Variants in ZNF385B observed in about 807,000 individuals in gnomAD.
ZNF385B encodes zinc finger protein 533.
Under a neutral mutation model 39.2 loss-of-function variants are expected in ZNF385B, and 23 were observed. That is an observed-to-expected ratio of 0.59 (90% CI 0.42 to 0.83). The LOEUF (loss-of-function observed/expected upper bound fraction) is 0.83, where lower values mean the gene tolerates loss of function less well. ZNF385B is among the 40% of genes least tolerant of loss of function. The pLI is 0.00. For missense variants in ZNF385B, 552 were observed against 598.9 expected (o/e 0.92, Z 0.82); for synonymous variants, 205 against 222.6 (o/e 0.92, Z 0.70).
intron 3 of ZNF385B, among the ~76,000 whole-genome samples, chr2:179,660,476 ATTTC>A (rs1286114591): frequency 6.6e-6 from 1 of 152,072 alleles, no homozygotes; most frequent in Non-Finnish European, 1.5e-5. Flanking sequence ...CTTTATTTTT[ATTTC>A]TTCTGTTTTC....
chr2:179,772,138 G>A (rs1704047479), intron 1 of ZNF385B, among the ~76,000 whole-genome samples: 1 of 151,994 alleles, frequency 6.6e-6, no homozygotes, highest in African/African-American at 2.4e-5. Context: ...TGTTACCTGT[G>A]CTTTTATGAT....
At chr2:179,619,731 C>T (rs1690052500) in intron 3 of ZNF385B, among the ~76,000 whole-genome samples, 2 of 152,172 alleles carry the variant, frequency 1.3e-5, no homozygotes, top group South Asian at 4.1e-4. Context: ...TGAACAGATA[C>T]CTGTCATTTC....
intron 1 of ZNF385B, among the ~76,000 whole-genome samples, chr2:179,828,362 T>A (rs1285504578): frequency 6.6e-6 from 1 of 152,198 alleles, no homozygotes; most frequent in Non-Finnish European, 1.5e-5. Flanking sequence ...ATGCTAATCA[T>A]TAAATTGCCC....
intron 3 of ZNF385B, among the ~76,000 whole-genome samples, chr2:179,720,987 T>G (rs1164592424): frequency 1.4e-5 from 2 of 141,978 alleles, no homozygotes; most frequent in Non-Finnish European, 3.1e-5. Context: ...CAAGCTTATC[T>G]CAAACACCTA....
intron 1 of ZNF385B, among the ~76,000 whole-genome samples, chr2:179,835,700 C>A (rs1199445495): frequency 6.6e-6 from 1 of 151,906 alleles, no homozygotes; most frequent in African/African-American, 2.4e-5. Flanking sequence ...CTTGTTCTTT[C>A]CTGGAACTGG....
intron 3 of ZNF385B, among the ~76,000 whole-genome samples, chr2:179,694,585 A>T (rs749113580): frequency 1.3e-5 from 2 of 152,182 alleles, no homozygotes; most frequent in Non-Finnish European, 2.9e-5. Flanking sequence ...TTCTAGGAAT[A>T]AAAAAGGGAT....
At chr2:179,532,845 A>G (rs2059336735) in intron 4 of ZNF385B, among the ~76,000 whole-genome samples, 1 of 152,180 alleles carries the variant, frequency 6.6e-6, no homozygotes, top group Admixed American at 6.5e-5. Context: ...AAACCACTAC[A>G]GTTCCATTGG....
At chr2:179,747,591 G>A (rs1304395067) in intron 3 of ZNF385B, among the ~76,000 whole-genome samples, 2 of 152,096 alleles carry the variant, frequency 1.3e-5, no homozygotes, top group Admixed American at 6.6e-5. Context: ...GTTCATGAGA[G>A]ATTGTATGCC....
chr2:179,637,938 A>G (rs1691907821), intron 3 of ZNF385B, among the ~76,000 whole-genome samples: 1 of 152,236 alleles, frequency 6.6e-6, no homozygotes, highest in Non-Finnish European at 1.5e-5. Flanking sequence ...CACACGTATG[A>G]AGACAACACT....
intron 3 of ZNF385B, among the ~76,000 whole-genome samples, chr2:179,577,155 C>A (rs757196733): frequency 1.3e-5 from 2 of 152,138 alleles, no homozygotes; most frequent in Non-Finnish European, 2.9e-5. Flanking sequence ...AAACCTAAGA[C>A]TTTCCAAGAA....
intron 3 of ZNF385B, among the ~76,000 whole-genome samples, chr2:179,699,023 G>T (rs1156382344): frequency 2.6e-5 from 4 of 151,704 alleles, no homozygotes; most frequent in African/African-American, 9.7e-5. Flanking sequence ...ATTCATATTG[G>T]ATTTAAAGTC....
chr2:179,645,842 C>T lies in ZNF385B; in HGVS notation c.299-100873G>A, dbSNP rs572644416. Among the ~76,000 whole-genome samples, 8 of 152,316 alleles carry T rather than the reference C, an allele frequency of 5.3e-5. No individual in the cohort carries two copies. The South Asian group carries it at 6.2e-4, about 12-fold the overall frequency. On this transcript the variant is annotated intron_variant, in intron 3 of 9. Coordinates refer to ENST00000410066, the MANE Select transcript of ZNF385B (RefSeq NM_152520.6). ...TGCCCTGTTTTCCTGATGGGGATAA[C>T]GAAGGGCAGGCCTTGTGAAACTGTA...
intron 6 of ZNF385B, chr2:179,480,908 C>T (rs1013727086): frequency 6.6e-6 from 1 of 152,102 alleles, no homozygotes. Context: ...TAGGTGGTTT[C>T]TATTACTTCT....
At chr2:179,496,187 G>A (rs919160957) in intron 5 of ZNF385B, among the ~76,000 whole-genome samples, 1 of 152,140 alleles carries the variant, frequency 6.6e-6, no homozygotes, top group African/African-American at 2.4e-5. Context: ...AATGCAACTG[G>A]CATTCTGAAG....
Position 179,758,922 on chromosome 2 carries a change from T to C in ZNF385B, c.298+10581A>G, listed in dbSNP as rs548913110. 4.6e-5 allele frequency among the ~76,000 whole-genome samples: 7 copies of C among 152,308 alleles called. No individual in the cohort carries two copies. The South Asian group carries it at 1.5e-3, about 32-fold the overall frequency. ...AATTAAAAAAACATTGTTTTAAAAT[T>C]TTTTCTGAAAGCTTCTGCCGACCTT... On this transcript the variant is annotated intron_variant, in intron 3 of 9. Transcript: ENST00000410066.
At chr2:179,606,652 G>C (rs1212260535) in intron 3 of ZNF385B, among the ~76,000 whole-genome samples, 1 of 152,056 alleles carries the variant, frequency 6.6e-6, no homozygotes, top group Non-Finnish European at 1.5e-5. Context: ...GTTTTTAAGA[G>C]AGTCTCCTTG....
chr2:179,650,830 T>C (rs1693131204), intron 3 of ZNF385B, among the ~76,000 whole-genome samples: 1 of 152,208 alleles, frequency 6.6e-6, no homozygotes, highest in South Asian at 2.1e-4. Context: ...AGCACAAGAC[T>C]TGGCTGACTG....
intron 3 of ZNF385B, among the ~76,000 whole-genome samples, chr2:179,698,692 T>G (rs1414037370): frequency 1.3e-5 from 2 of 152,194 alleles, no homozygotes; most frequent in African/African-American, 4.8e-5. Context: ...TAAAAGCACT[T>G]TATTCTGCAC....
chr2:179,445,877 C>T lies in ZNF385B; in HGVS notation c.962-149G>A, dbSNP rs12623873. ...TTTAATGCTGATTTTAAATTTAACA[C>T]GTTATTGTAAAAAATGGAAAAATGT... On this transcript the variant is annotated intron_variant, in intron 7 of 9. Transcript: ENST00000410066. 75,233 of 671,750 alleles carry T rather than the reference C, an allele frequency of 0.11. 5,838 individuals are homozygous for T. Among genetic ancestry groups the T allele is most frequent in the East Asian group, 0.3 (9,154 of 30,902 alleles). 41.6% of individuals were successfully genotyped at this position (671,750 alleles called of 1,614,324 possible).
Sources: allele counts gnomAD v4.1 joint callset (sites outside exome capture counted in the v4.1 genomes callset), GRCh38; gene constraint gnomAD v4.1.1; transcripts MANE v1.5; gene names NCBI Gene and HGNC (gene_info 2026-07-23, HGNC 2026-07-21).